The following GALNT18 variants were observed in gnomAD, a reference collection of about 807,000 sequenced individuals.
GALNT18 encodes polypeptide N-acetylgalactosaminyltransferase 18.
GALNT18 carries 44 observed loss-of-function variants against 69.5 expected under a neutral mutation model. The ratio of observed to expected loss-of-function variants is 0.63; its 90% CI spans 0.50 to 0.81. GALNT18 has a LOEUF of 0.81. Ranked by LOEUF, GALNT18 falls within the 40% of genes least tolerant of loss-of-function variation. The pLI is 0.00. For synonymous variants in GALNT18, 364 were observed against 318.2 expected, an observed-to-expected ratio of 1.14 and a Z score of -1.53; for missense variants, 715 against 810.0, an observed-to-expected ratio of 0.88 and a Z score of 1.42.
intron 1 of GALNT18, among the ~76,000 whole-genome samples, chr11:11,495,946 C>T (rs780445647): frequency 1.6e-4 from 24 of 152,170 alleles, no homozygotes; most frequent in Non-Finnish European, 2.9e-4. Context: ...TGCACCAGAC[C>T]CTTTGCAAAG....
At chr11:11,385,755 A>G (rs1428778674) in intron 3 of GALNT18, among the ~76,000 whole-genome samples, 1 of 152,138 alleles carries the variant, frequency 6.6e-6, no homozygotes, top group Non-Finnish European at 1.5e-5. Context: ...GGTGAACTGA[A>G]TTTTATCCCC....
chr11:11,559,466 G>C (rs1194556245), intron 1 of GALNT18, among the ~76,000 whole-genome samples: 2 of 152,208 alleles, frequency 1.3e-5, no homozygotes, highest in African/African-American at 4.8e-5. Context: ...GTGCTTAGAA[G>C]AGGACCTGAC....
At position 11,564,746 on chromosome 11, in the gene GALNT18, C is replaced by A. The variant is rs1466877344; in HGVS notation, c.235+56613G>T. Among the ~76,000 whole-genome samples the A allele has an allele frequency of 2.6e-5, 4 of 152,318 alleles. No homozygotes were observed. Among genetic ancestry groups the A allele is most frequent in the African/African-American group, 7.2e-5 (3 of 41,578 alleles). On this transcript the variant is annotated intron_variant, in intron 1 of 10. Coordinates refer to ENST00000227756, the MANE Select transcript of GALNT18 (RefSeq NM_198516.3). This position sits in a 1 kb window ranked among gnomAD's most constrained non-coding sequence, Gnocchi z 4.3. ...TTTGCCTAGACTATCCCTGGTCAAC[C>A]TTTACTCTAGGTTGTGCTGTTGGTA... is the stretch of plus-strand genomic sequence containing the variant.
In GALNT18 at chr11:11,371,061, G is replaced by A. The variant is rs113895185; in HGVS notation, c.1092+1454C>T. On this transcript the variant is annotated intron_variant, in intron 6 of 10. Transcript: ENST00000227756. ...TACATTAGCTCCCCAATAAGCCCACGCATTTTGACTGCTTCCAAAGCAATT... is the reference window on the plus strand; with the variant it reads ...TACATTAGCTCCCCAATAAGCCCACACATTTTGACTGCTTCCAAAGCAATT... Among the ~76,000 whole-genome samples the A allele has an allele frequency of 7.3e-4, 111 of 152,290 alleles. 1 individual carries two copies. Among genetic ancestry groups the A allele is most frequent in the African/African-American group, 1.7e-3 (70 of 41,564 alleles).
chr11:11,489,369 A>G (rs1856713257), intron 1 of GALNT18, among the ~76,000 whole-genome samples: 1 of 152,200 alleles, frequency 6.6e-6, no homozygotes, highest in African/African-American at 2.4e-5. Flanking sequence ...GGACTAGTAC[A>G]CATTACATTG....
At chr11:11,448,188 AG>A (rs1224578054) in intron 2 of GALNT18, among the ~76,000 whole-genome samples, 1 of 151,000 alleles carries the variant, frequency 6.6e-6, no homozygotes, top group African/African-American at 2.4e-5. Context: ...TGAGGAGAAA[AG>A]GGGGAAAACA....
At position 11,621,393 on chromosome 11, in the gene GALNT18, G is replaced by C; in HGVS notation, c.201C>G (p.Asp67Glu). 1 of 1,614,080 alleles carries C rather than the reference G, an allele frequency of 6.2e-7. No individual in the cohort carries two copies. Among genetic ancestry groups the C allele is most frequent in the Non-Finnish European group, 8.5e-7 (1 of 1,180,016 alleles). Reference protein sequence around the residue: ...GDTLKIIERLDHLENVIKQHI... With the variant: ...GDTLKIIERLEHLENVIKQHI... The stretch of plus-strand genomic sequence containing the variant: ...GCTGCTTGATGACATTCTCCAGGTG[G>C]TCCAGCCGCTCAATAATCTTCAGAG... Residue 67 changes from aspartate (D) to glutamate (E), a missense_variant, in exon 1 of 11, where the codon GAC becomes GAG. Asp to Glu is a conservative substitution (Grantham distance 45, BLOSUM62 2). Transcript: ENST00000227756. The surrounding 1 kb of genome is among the most constrained non-coding windows in gnomAD (Gnocchi z 9.3).
intron 1 of GALNT18, among the ~76,000 whole-genome samples, chr11:11,464,349 T>C (rs796589191): frequency 7.2e-5 from 11 of 152,342 alleles, no homozygotes; most frequent in African/African-American, 1.9e-4. Context: ...AGGAGGACTC[T>C]GCTCAGAGGC....
At position 11,314,730 on chromosome 11, in the gene GALNT18, CT is replaced by C. The variant is rs1251672405; in HGVS notation, c.1512+12355del. On this transcript the variant is annotated intron_variant, in intron 9 of 10. Transcript: ENST00000227756. The surrounding 1 kb of genome is among the most constrained non-coding windows in gnomAD (Gnocchi z 5.2). ...GTTCCAGGGGGCAGCTGTGAAAGTCCTTTGGGCTATGCCCTGTGGAGGCTGT... is the reference window on the plus strand; with the variant it reads ...GTTCCAGGGGGCAGCTGTGAAAGTCCTTGGGCTATGCCCTGTGGAGGCTGT... Among the ~76,000 whole-genome samples the C allele has an allele frequency of 5.9e-5, 9 of 152,168 alleles. No individual in the cohort carries two copies. Among genetic ancestry groups the C allele is most frequent in the Non-Finnish European group, 1.3e-4 (9 of 68,036 alleles).
Position 11,488,338 on chromosome 11 carries a change from G to A in GALNT18, c.236-39402C>T, listed in dbSNP as rs11021876. On this transcript the variant is annotated intron_variant, in intron 1 of 10. Transcript: ENST00000227756. Reference sequence around the variant, plus strand: ...CATTCCTTGACTCGGGGTCCTCTTCGTCTGTCTTCACAGTCAGCCCAGGTG... The same window carrying A: ...CATTCCTTGACTCGGGGTCCTCTTCATCTGTCTTCACAGTCAGCCCAGGTG... Among the ~76,000 whole-genome samples the A allele has an allele frequency of 5.4e-3, 823 of 151,904 alleles. 41 individuals are homozygous for A. The East Asian group carries it at 0.11, about 20-fold the overall frequency.
At chr11:11,516,013 G>C (rs562419143) in intron 1 of GALNT18, among the ~76,000 whole-genome samples, 80 of 152,334 alleles carry the variant, frequency 5.3e-4, no homozygotes, top group African/African-American at 1.9e-3. Flanking sequence ...TGAGGAGCTG[G>C]GATAAACAGC....
Position 11,543,546 on chromosome 11 carries a change from T to C in GALNT18, c.235+77813A>G, listed in dbSNP as rs1167343198. 2.6e-5 allele frequency among the ~76,000 whole-genome samples: 4 copies of C among 152,118 alleles called. No individual in the cohort carries two copies. The highest frequency in any genetic ancestry group is 4.4e-5 in the Non-Finnish European group (3 of 68,018). ...CCATTCACCAAGTGCTGCTGGAGTCTTTCCCACAGCATGCCAGGGGCCAGG... is the reference window on the plus strand; with the variant it reads ...CCATTCACCAAGTGCTGCTGGAGTCCTTCCCACAGCATGCCAGGGGCCAGG... On this transcript the variant is annotated intron_variant, in intron 1 of 10. Coordinates refer to ENST00000227756, the MANE Select transcript of GALNT18 (RefSeq NM_198516.3). This position sits in a 1 kb window ranked among gnomAD's most constrained non-coding sequence, Gnocchi z 5.1.
chr11:11,339,812 C>T lies in GALNT18; in HGVS notation c.1278+1007G>A, dbSNP rs563562108. Among the ~76,000 whole-genome samples, 236 of 152,262 alleles carry T rather than the reference C, an allele frequency of 1.5e-3. No homozygotes were observed. Among genetic ancestry groups the T allele is most frequent in the Admixed American group, 3.5e-3 (54 of 15,290 alleles). ...TGGCTGGGAGGTGGGCTAAAAGCTC[C>T]CACCCATGAACCAGTCAACTTCCTC... is the stretch of plus-strand genomic sequence containing the variant. On this transcript the variant is annotated intron_variant, in intron 7 of 10. Coordinates refer to ENST00000227756, the MANE Select transcript of GALNT18 (RefSeq NM_198516.3). The surrounding 1 kb of genome is among the most constrained non-coding windows in gnomAD (Gnocchi z 5.2).
At chr11:11,307,706 C>G (rs1849602489) in intron 9 of GALNT18, among the ~76,000 whole-genome samples, 1 of 141,734 alleles carries the variant, frequency 7.1e-6, no homozygotes, top group East Asian at 2.1e-4. Flanking sequence ...ACTCTTTCTT[C>G]CTTTAAGGTC....
intron 6 of GALNT18, among the ~76,000 whole-genome samples, chr11:11,350,035 G>T (rs1368531835): frequency 1.3e-5 from 2 of 152,212 alleles, no homozygotes; most frequent in South Asian, 4.1e-4. Flanking sequence ...TGTTTGAAAG[G>T]GATCCCTCAT....
intron 5 of GALNT18, among the ~76,000 whole-genome samples, chr11:11,374,379 G>T (rs180752576): frequency 6.6e-5 from 10 of 152,284 alleles, no homozygotes; most frequent in Non-Finnish European, 1.3e-4. Context: ...CACTCAAAAG[G>T]CCATTTAAAA....
rs958563802 is a variant in GALNT18 at position 11,497,890 on chromosome 11, T to A, written c.236-48954A>T. 6.6e-6 allele frequency among the ~76,000 whole-genome samples: 1 copy of A among 152,036 alleles called. No individual in the cohort carries two copies. The highest frequency in any genetic ancestry group is 1.5e-5 in the Non-Finnish European group (1 of 68,036). Reference sequence around the variant, plus strand: ...TGTGTCTCCAGATTGGAGTTCTACATCTTTGTTTTCCCTTTTTAAAAATTA... The same window carrying A: ...TGTGTCTCCAGATTGGAGTTCTACAACTTTGTTTTCCCTTTTTAAAAATTA... On this transcript the variant is annotated intron_variant, in intron 1 of 10. Transcript: ENST00000227756. The surrounding 1 kb of genome is among the most constrained non-coding windows in gnomAD (Gnocchi z 4.2).
At position 11,421,462 on chromosome 11, in the gene GALNT18, G is replaced by A. The variant is rs938263902; in HGVS notation, c.595+11159C>T. On this transcript the variant is annotated intron_variant, in intron 3 of 10. Transcript: ENST00000227756. This position sits in a 1 kb window ranked among gnomAD's most constrained non-coding sequence, Gnocchi z 5.6. ...AGCAGAGCCCCAGTTTGGTGTACAG[G>A]GAACAGAGTCTAGCCCCTCAAGGAA... Among the ~76,000 whole-genome samples, 1 of 152,188 alleles carries A rather than the reference G, an allele frequency of 6.6e-6. No homozygotes were observed. Among genetic ancestry groups the A allele is most frequent in the Non-Finnish European group, 1.5e-5 (1 of 68,034 alleles).
At chr11:11,488,002 C>T (rs1313110539) in intron 1 of GALNT18, among the ~76,000 whole-genome samples, 1 of 152,204 alleles carries the variant, frequency 6.6e-6, no homozygotes, top group African/African-American at 2.4e-5. Context: ...AAATGAACAG[C>T]TGGGTATGGG....
Sources: gnomAD v4.1 joint callset for allele counts (sites outside exome capture counted in the v4.1 genomes callset) on GRCh38, gnomAD v4.1.1 for gene constraint, Gnocchi (gnomAD v3.1) non-coding constraint, MANE v1.5 for transcripts, NCBI Gene and HGNC (gene_info 2026-07-23, HGNC 2026-07-21) for gene names.